The following CAMTA1 variants were observed in gnomAD, a reference collection of about 807,000 sequenced individuals.
The protein encoded by CAMTA1 is calmodulin-binding transcription activator 1.
A neutral mutation model predicts 170.9 loss-of-function variants in CAMTA1; 27 were observed. The observed-to-expected ratio is 0.16, with a 90% CI of 0.12 to 0.22. The LOEUF is 0.22. CAMTA1 is among the 10% of genes least tolerant of loss of function. CAMTA1 has a pLI of 1.00. For synonymous variants in CAMTA1, 833 were observed against 891.5 expected (o/e 0.93, Z 1.17); for missense variants, 1,619 against 2,217.2 (o/e 0.73, Z 5.42).
chr1:6,833,069 G>C (rs922970096), intron 3 of CAMTA1, among the ~76,000 whole-genome samples: 28 of 152,178 alleles, frequency 1.8e-4, no homozygotes, highest in Non-Finnish European at 3.1e-4. Flanking sequence ...GAAAAGCTGG[G>C]GCGGAATGTC....
chr1:6,997,447 A>G (rs1437459595), intron 3 of CAMTA1, among the ~76,000 whole-genome samples: 1 of 152,072 alleles, frequency 6.6e-6, no homozygotes, highest in Non-Finnish European at 1.5e-5. Context: ...TCCTTTCGGA[A>G]GCATGTCGCG....
chr1:7,568,695 TCAC>T (rs1440242560), intron 6 of CAMTA1, among the ~76,000 whole-genome samples: 2 of 148,506 alleles, frequency 1.3e-5, no homozygotes, highest in Non-Finnish European at 3.0e-5. Flanking sequence ...ATCAAAATCA[TCAC>T]CACATCACCA....
chr1:7,103,943 GCACACACGTACATACAACTA>G (rs1250113714), intron 4 of CAMTA1, among the ~76,000 whole-genome samples: 8 of 117,980 alleles, frequency 6.8e-5, no homozygotes, highest in Admixed American at 1.8e-4. Context: ...CACACATACA[GCACACACGTACATACAACTA>G]CACACACGCA....
At chr1:6,925,120 G>T (rs1338959879) in intron 3 of CAMTA1, among the ~76,000 whole-genome samples, 1 of 152,228 alleles carries the variant, frequency 6.6e-6, no homozygotes, top group Non-Finnish European at 1.5e-5. Context: ...TGGGCAGGGG[G>T]CCCAAGGGCA....
Position 7,665,723 on chromosome 1 carries a change from A to G in CAMTA1, c.2652+524A>G, listed in dbSNP as rs941916082. Among the ~76,000 whole-genome samples the G allele has an allele frequency of 6.6e-6, 1 of 152,090 alleles. No homozygotes were observed. Among genetic ancestry groups the G allele is most frequent in the African/African-American group, 2.4e-5 (1 of 41,412 alleles). On this transcript the variant is annotated intron_variant, in intron 9 of 22. Coordinates refer to ENST00000303635, the MANE Select transcript of CAMTA1 (RefSeq NM_015215.4). This position sits in a 1 kb window ranked among gnomAD's most constrained non-coding sequence, Gnocchi z 4.3. ...GAGTGAAACCCTGTCTCAAAAAAAA[A>G]GAGAGAAAGTCAGGGTATCCTTGGA...
At chr1:7,107,241 G>A (rs915545448) in intron 4 of CAMTA1, among the ~76,000 whole-genome samples, 2 of 148,994 alleles carry the variant, frequency 1.3e-5, no homozygotes, top group Non-Finnish European at 3.0e-5. Context: ...GCACACGCAG[G>A]AGAGCCTGGT....
rs1005186396 is a variant in CAMTA1, at chr1:7,173,121, G to A, written c.303-76370G>A. 6.6e-5 allele frequency among the ~76,000 whole-genome samples: 10 copies of A among 152,320 alleles called. No individual in the cohort carries two copies. The highest frequency in any genetic ancestry group is 5.8e-4 in the East Asian group (3 of 5,178). On this transcript the variant is annotated intron_variant, in intron 4 of 22. Coordinates refer to ENST00000303635, the MANE Select transcript of CAMTA1 (RefSeq NM_015215.4). This position sits in a 1 kb window ranked among gnomAD's most constrained non-coding sequence, Gnocchi z 5.4. ...GCGTCCCTCCTGTCTCTTCAGCTGC[G>A]CCTTCCTCAGGAGAGACAGAAAGAG... is the stretch of plus-strand genomic sequence containing the variant.
At chr1:7,604,916 C>A (rs1391781360) in intron 6 of CAMTA1, among the ~76,000 whole-genome samples, 1 of 152,198 alleles carries the variant, frequency 6.6e-6, no homozygotes, top group Non-Finnish European at 1.5e-5. Flanking sequence ...CCCTCAGCTG[C>A]AGGTCTGTTG....
At chr1:6,864,265 T>C (rs1665804406) in intron 3 of CAMTA1, among the ~76,000 whole-genome samples, 1 of 152,240 alleles carries the variant, frequency 6.6e-6, no homozygotes, top group African/African-American at 2.4e-5. Flanking sequence ...ATTTCCATTC[T>C]GTCCAAGTCA....
At chr1:7,702,857 G>C (rs1488030856) in intron 11 of CAMTA1, among the ~76,000 whole-genome samples, 2 of 152,050 alleles carry the variant, frequency 1.3e-5, no homozygotes, top group Non-Finnish European at 2.9e-5. Flanking sequence ...TCGCCCCCAA[G>C]TACCCCGTTT....
rs1417986 is a variant in CAMTA1 at position 7,737,674 on chromosome 1, T to A, written c.3658+104T>A. ...CATAGGATAGTCACATACATTTCAG[T>A]TTTTTTGTTAATGTTTCTGATTTTT... On this transcript the variant is annotated intron_variant, in intron 15 of 22. Coordinates refer to ENST00000303635, the MANE Select transcript of CAMTA1 (RefSeq NM_015215.4). 0.64 allele frequency: 730,633 copies of A among 1,147,308 alleles called. 234,635 individuals carry two copies. Among genetic ancestry groups the A allele is most frequent in the Admixed American group, 0.74 (26,067 of 35,024 alleles). The allele number at this position is 1,147,308 out of a possible 1,614,324, so 71.1% of individuals were successfully genotyped here.
intron 3 of CAMTA1, among the ~76,000 whole-genome samples, chr1:6,936,562 C>G (rs1218666810): frequency 6.6e-6 from 1 of 152,024 alleles, no homozygotes; most frequent in African/African-American, 2.4e-5. Context: ...AATAAGGATT[C>G]AAGATTGTAT....
At chr1:6,791,112 C>CTTTTTTTTTTTTTTTTTT (rs35656164) in intron 1 of CAMTA1, among the ~76,000 whole-genome samples, 2 of 129,126 alleles carry the variant, frequency 1.5e-5, no homozygotes, top group Non-Finnish European at 3.3e-5. Context: ...GTACCCTGTC[C>CTTTTTTTTTTTTTTTTTT]TTTTTTTTTT....
In CAMTA1 at chr1:7,121,652, A is replaced by C. The variant is rs749537465; in HGVS notation, c.302+30281A>C. ...CCTCAGTGCCCAGGGGGTCTCTGGA[A>C]AGAACAAGGCAGGGTTCTGCTCTTC... is the stretch of plus-strand genomic sequence containing the variant. On this transcript the variant is annotated intron_variant, in intron 4 of 22. Coordinates refer to ENST00000303635, the MANE Select transcript of CAMTA1 (RefSeq NM_015215.4). 9.9e-5 allele frequency among the ~76,000 whole-genome samples: 15 copies of C among 152,184 alleles called. 1 individual carries two copies. Among genetic ancestry groups the C allele is most frequent in the Admixed American group, 3.3e-4 (5 of 15,276 alleles).
chr1:7,419,054 G>A (rs2091388586), intron 5 of CAMTA1, among the ~76,000 whole-genome samples: 1 of 152,250 alleles, frequency 6.6e-6, no homozygotes, highest in Non-Finnish European at 1.5e-5. Context: ...TAACCTCAGA[G>A]CTCCACCTTC....
At chr1:7,365,227 G>A (rs1326321400) in intron 5 of CAMTA1, among the ~76,000 whole-genome samples, 5 of 124 alleles carry the variant, frequency 0.04, no homozygotes, top group Non-Finnish European at 0.059. Context: ...GCACCTGGTG[G>A]CTGCGCTGTG....
At chr1:7,747,808 G>A in intron 19 of CAMTA1, 27 bp downstream of exon 19, 3 of 1,559,576 alleles carry the variant, frequency 1.9e-6, no homozygotes, top group Non-Finnish European at 1.8e-6. Flanking sequence ...CACCACAGAA[G>A]GAAACTGTGC....
At position 7,634,191 on chromosome 1, in the gene CAMTA1, G is replaced by A. The variant is rs191684910; in HGVS notation, c.511-6209G>A. ...ACCCGGGAGGAGGGCACACTCCCAC[G>A]TGCGCAGGAGAGCAGGTGGAGGATC... On this transcript the variant is annotated intron_variant, in intron 6 of 22. Transcript: ENST00000303635. This position sits in a 1 kb window ranked among gnomAD's most constrained non-coding sequence, Gnocchi z 6.2. 1.7e-4 allele frequency among the ~76,000 whole-genome samples: 26 copies of A among 152,318 alleles called. No homozygotes were observed. Among genetic ancestry groups the A allele is most frequent in the African/African-American group, 2.6e-4 (11 of 41,574 alleles).
chr1:7,668,388 A>AACACACACAAACACACACAC (rs1553241633), intron 9 of CAMTA1, among the ~76,000 whole-genome samples: 39 of 101,458 alleles, frequency 3.8e-4, no homozygotes, highest in African/African-American at 1.4e-3. Context: ...GCTGGTCACC[A>AACACACACAAACACACACAC]ACACACACAC....
Sources: allele counts gnomAD v4.1 joint callset (sites outside exome capture counted in the v4.1 genomes callset), GRCh38; gene constraint gnomAD v4.1.1; non-coding constraint Gnocchi (gnomAD v3.1); transcripts MANE v1.5; gene names NCBI Gene and HGNC (gene_info 2026-07-23, HGNC 2026-07-21).